Variants in MARCHF6 observed in about 807,000 individuals in gnomAD.
MARCHF6 encodes E3 ubiquitin-protein ligase MARCHF6.
A neutral mutation model predicts 133.7 loss-of-function variants in MARCHF6; 31 were observed. That is an observed-to-expected ratio of 0.23 (90% CI 0.17 to 0.31). The LOEUF (loss-of-function observed/expected upper bound fraction) is 0.31. MARCHF6 is among the 10% of genes least tolerant of loss of function. The pLI is 1.00. For synonymous variants in MARCHF6, 395 were observed against 402.5 expected, an observed-to-expected ratio of 0.98 and a Z score of 0.22; for missense variants, 723 against 1,121.6, an observed-to-expected ratio of 0.64 and a Z score of 5.08.
intron 1 of MARCHF6, among the ~76,000 whole-genome samples, chr5:10,358,127 T>C (rs1413828821): frequency 1.3e-5 from 2 of 152,078 alleles, no homozygotes; most frequent in African/African-American, 2.4e-5. Flanking sequence ...ATGCAGATAC[T>C]CTGGGCAGAG....
intron 25 of MARCHF6, among the ~76,000 whole-genome samples, chr5:10,432,750 CTGT>C (rs1271074074): frequency 6.6e-6 from 1 of 152,224 alleles, no homozygotes; most frequent in Non-Finnish European, 1.5e-5. Flanking sequence ...ACTTGCCATT[CTGT>C]TGTTGAACCA....
At chr5:10,429,774 G>T in intron 24 of MARCHF6, 119 bp from the exon 25 acceptor site, 1 of 769,688 alleles carries the variant, frequency 1.3e-6, no homozygotes, top group South Asian at 1.8e-5. Flanking sequence ...AAAGTTAACA[G>T]ACCTGGGGCT....
rs1306283360 is a variant in MARCHF6, at chr5:10,402,366, C to G, written c.1054-18C>G. 1 of 1,610,892 alleles carries G rather than the reference C, an allele frequency of 6.2e-7. No individual in the cohort carries two copies. The highest frequency in any genetic ancestry group is 1.7e-5 in the Admixed American group (1 of 59,832). On this transcript the variant is annotated intron_variant, in intron 12 of 25. Coordinates refer to ENST00000274140, the MANE Select transcript of MARCHF6 (RefSeq NM_005885.4). The stretch of plus-strand genomic sequence containing the variant: ...TGTACCTTTAAATACTCAGTTTTTC[C>G]TTGACCTGATGCTGTAGGGCTTGGC...
chr5:10,396,060 G>C (rs957710646), intron 9 of MARCHF6, among the ~76,000 whole-genome samples: 2 of 152,032 alleles, frequency 1.3e-5, no homozygotes, highest in African/African-American at 2.4e-5. Flanking sequence ...TTGAATTATT[G>C]GAAAAACCTT....
In MARCHF6 at chr5:10,402,151, T is replaced by G; in HGVS notation, c.1053+12T>G. 1 of 1,500,712 alleles carries G rather than the reference T, an allele frequency of 6.7e-7. No individual in the cohort carries two copies. Among genetic ancestry groups the G allele is most frequent in the Non-Finnish European group, 9.2e-7 (1 of 1,081,306 alleles). 93.0% of individuals were successfully genotyped at this position (1,500,712 alleles called of 1,614,324 possible). On this transcript the variant is annotated intron_variant, in intron 12 of 25. Coordinates refer to ENST00000274140, the MANE Select transcript of MARCHF6 (RefSeq NM_005885.4). The stretch of plus-strand genomic sequence containing the variant: ...TGATAATTTGTCATGTATCCTTTAA[T>G]GAACCAACTTGGGTGTACACTAATA...
chr5:10,386,784 A>G (rs1737506382), intron 4 of MARCHF6: 6 of 414,028 alleles, frequency 1.4e-5, no homozygotes, highest in Non-Finnish European at 1.8e-5. Context: ...AGTGCTAAAC[A>G]TGATTGTGTA....
chr5:10,402,550 G>T lies in MARCHF6; in HGVS notation c.1140G>T (p.Val380=). 6.2e-7 allele frequency: 1 copy of T among 1,613,852 alleles called. No individual in the cohort carries two copies. The highest frequency in any genetic ancestry group is 8.5e-7 in the Non-Finnish European group (1 of 1,179,838). The change falls in exon 14 of 26, where the codon GTG becomes GTT. Residue 380 remains valine (V), a synonymous_variant. Transcript: ENST00000274140. The part of the protein sequence containing the change: ...YIVVKVSLLV[V]VEIGVFPLIC... ...CACTTAAGGTCTCTTTGTTAGTGGT[G>T]GTAGAAATTGGAGTATTCCCTCTCA...
At chr5:10,359,975 C>T (rs1464620171) in intron 1 of MARCHF6, among the ~76,000 whole-genome samples, 8 of 151,854 alleles carry the variant, frequency 5.3e-5, no homozygotes, top group Non-Finnish European at 1.2e-4. Flanking sequence ...CACTGCACTC[C>T]AGCCTGGGCA....
chr5:10,402,707 T>A, intron 14 of MARCHF6, 100 bp downstream of exon 14: 1 of 1,021,638 alleles, frequency 9.8e-7, no homozygotes, highest in Non-Finnish European at 1.5e-6. Flanking sequence ...AAATATTTGA[T>A]AATTTGCTTA....
intron 1 of MARCHF6, among the ~76,000 whole-genome samples, chr5:10,356,339 TTTTA>T (rs1253947339): frequency 1.7e-4 from 25 of 148,556 alleles, no homozygotes; most frequent in African/African-American, 3.2e-4. Context: ...TGGTTCTGTT[TTTTA>T]TTTATTTTAT....
chr5:10,373,228 A>G (rs1394695104), intron 1 of MARCHF6, among the ~76,000 whole-genome samples: 3 of 151,978 alleles, frequency 2.0e-5, no homozygotes, highest in Non-Finnish European at 4.4e-5. Context: ...TTTGCTTAGT[A>G]TCTTGTTTGT....
rs1739217871 is a variant in MARCHF6 at position 10,411,327 on chromosome 5, G to T, written c.1692-6G>T. 1 of 1,612,920 alleles carries T rather than the reference G, an allele frequency of 6.2e-7. No individual in the cohort carries two copies. Among genetic ancestry groups the T allele is most frequent in the Non-Finnish European group, 8.5e-7 (1 of 1,179,128 alleles). On this transcript the variant is annotated splice_polypyrimidine_tract_variant and splice_region_variant and intron_variant, in intron 18 of 25. Coordinates refer to ENST00000274140, the MANE Select transcript of MARCHF6 (RefSeq NM_005885.4). ...GAGACTTGTTACTGATGTAATTTTT[G>T]CACAGGGATCTTCATTCTTATTTAT...
intron 9 of MARCHF6, among the ~76,000 whole-genome samples, chr5:10,395,154 C>G (rs1270591020): frequency 6.6e-6 from 1 of 152,196 alleles, no homozygotes; most frequent in Non-Finnish European, 1.5e-5. Context: ...TCAGAAACTT[C>G]ACATTTATAG....
At chr5:10,397,908 G>A (rs1232156052) in intron 10 of MARCHF6, among the ~76,000 whole-genome samples, 1 of 152,162 alleles carries the variant, frequency 6.6e-6, no homozygotes, top group Non-Finnish European at 1.5e-5. Flanking sequence ...CCTTCCATTG[G>A]GACTAATTAG....
At chr5:10,429,783 C>G in intron 24 of MARCHF6, 110 bp from the exon 25 acceptor site, 1 of 832,870 alleles carries the variant, frequency 1.2e-6, no homozygotes, top group South Asian at 1.7e-5. Context: ...AGACCTGGGG[C>G]TTAGAAAGCT....
In MARCHF6 at chr5:10,411,875, A is replaced by C. The variant is rs1468396203; in HGVS notation, c.1896+338A>C. Among the ~76,000 whole-genome samples the C allele has an allele frequency of 2.0e-5, 3 of 152,210 alleles. 1 individual carries two copies. The highest frequency in any genetic ancestry group is 7.2e-5 in the African/African-American group (3 of 41,454). Reference sequence around the variant, plus strand: ...CATTTAATCTCCACTCAAATACTGCAAAGTGTAGGCGATAATTTCATGTTT... The same window carrying C: ...CATTTAATCTCCACTCAAATACTGCCAAGTGTAGGCGATAATTTCATGTTT... On this transcript the variant is annotated intron_variant, in intron 19 of 25. Transcript: ENST00000274140.
Position 10,405,675 on chromosome 5 carries a change from G to T in MARCHF6, c.1450G>T (p.Val484Leu). ...YRHLRRFILS[V>L]IVFGSIVLLM... ...GCATCTCCGAAGATTTATTTTGTCAGTGGTAAGAAGATGTTTCCATTGTTT... is the reference window on the plus strand; with the variant it reads ...GCATCTCCGAAGATTTATTTTGTCATTGGTAAGAAGATGTTTCCATTGTTT... Residue 484 changes from valine to leucine, a missense_variant and splice_region_variant, in exon 16 of 26, where the codon GTG becomes TTG. This residue lies in a region of MARCHF6 where 492 missense variants were observed against 699.5 expected (regional missense o/e 0.70). Coordinates refer to ENST00000274140, the MANE Select transcript of MARCHF6 (RefSeq NM_005885.4). 1 of 1,581,542 alleles carries T rather than the reference G, an allele frequency of 6.3e-7. No homozygotes were observed. The highest frequency in any genetic ancestry group is 8.5e-7 in the Non-Finnish European group (1 of 1,170,096).
At chr5:10,385,282 A>G (rs1220060447) in intron 4 of MARCHF6, among the ~76,000 whole-genome samples, 3 of 152,186 alleles carry the variant, frequency 2.0e-5, no homozygotes, top group African/African-American at 7.2e-5. Flanking sequence ...ATATTTTAAG[A>G]ATTCACCCAT....
At position 10,435,314 on chromosome 5, in the gene MARCHF6, C is replaced by T. The variant is rs903923461; in HGVS notation, c.*1630C>T. ...TCGGTATCGGGAGCTGCGGTGGCTC[C>T]GGCCGGTTGTCCTGGCACACAAGGA... On this transcript the variant is annotated 3_prime_UTR_variant, in exon 26 of 26. Transcript: ENST00000274140. 5.3e-5 allele frequency: 8 copies of T among 151,594 alleles called. No homozygotes were observed. Among genetic ancestry groups the T allele is most frequent in the Admixed American group, 1.3e-4 (2 of 15,196 alleles). 9.4% of individuals were successfully genotyped at this position (151,594 alleles called of 1,614,324 possible). A position where few individuals can be genotyped will look rare whatever the true frequency, so the allele number is the denominator to read the frequency against.
Sources: gnomAD v4.1 joint callset for allele counts (sites outside exome capture counted in the v4.1 genomes callset) on GRCh38, gnomAD v4.1.1 for gene constraint, gnomAD v4.1.1 regional missense constraint, MANE v1.5 for transcripts, NCBI Gene and HGNC (gene_info 2026-07-23, HGNC 2026-07-21) for gene names.